Variants in LONP1 observed in about 807,000 individuals in gnomAD.
LONP1 encodes the protein lon protease homolog, mitochondrial.
Under a neutral mutation model 98.5 loss-of-function variants are expected in LONP1, and 31 were observed. The observed-to-expected ratio is 0.31, with a 90% CI of 0.24 to 0.42. The LOEUF is 0.42. Among genes scored for constraint, LONP1 ranks in the 20% least tolerant of loss-of-function variants. LONP1 has a pLI of 1.00. For synonymous variants in LONP1, 781 were observed against 594.7 expected (o/e 1.31, Z -4.56); for missense variants, 1,336 against 1,350.6 (o/e 0.99, Z 0.17).
intron 4 of LONP1, 135 bp from the exon 5 acceptor site, chr19:5,708,538 C>G: frequency 7.9e-6 from 3 of 379,348 alleles, no homozygotes; most frequent in Non-Finnish European, 1.5e-5. Flanking sequence ...GCCCTGGCCA[C>G]GGACGGCCTG....
At position 5,694,836 on chromosome 19, in the gene LONP1, C is replaced by A. The variant is rs142052215; in HGVS notation, c.2079G>T (p.Ser693=). 5.7e-4 allele frequency: 914 copies of A among 1,604,414 alleles called. 7 individuals are homozygous for A. The African/African-American group carries it at 0.011, about 19-fold the overall frequency. The change falls in exon 14 of 18, where the codon TCG becomes TCT. Residue 693 remains serine, a synonymous_variant. Transcript: ENST00000360614. ...GLDESKAKLS[S]DVLTLLIKQY... is the part of the protein sequence containing the mutation. ...GCTTGATGAGCAGCGTCAGCACGTCCGATGACAGCTTGGCCTTGCTCTCAT... is the reference window on the plus strand; with the variant it reads ...GCTTGATGAGCAGCGTCAGCACGTCAGATGACAGCTTGGCCTTGCTCTCAT...
At chr19:5,693,095 C>G (rs1050554066) in intron 17 of LONP1, among the ~76,000 whole-genome samples, 3 of 152,202 alleles carry the variant, frequency 2.0e-5, no homozygotes, top group Non-Finnish European at 4.4e-5. Flanking sequence ...AGTGGAGGCT[C>G]AGAATGTTCT....
chr19:5,696,881 G>A, intron 10 of LONP1, 124 bp from the exon 11 acceptor site: 1 of 651,170 alleles, frequency 1.5e-6, no homozygotes, highest in Non-Finnish European at 2.6e-6. Flanking sequence ...GCCATGATGT[G>A]GGAGGCGGAA....
At chr19:5,697,516 AGAAGAGGGAGGAGAGGGG>A (rs1321850937) in intron 10 of LONP1, among the ~76,000 whole-genome samples, 28 of 130,518 alleles carry the variant, frequency 2.1e-4, no homozygotes, top group East Asian at 7.4e-4. Context: ...AGGGGGGGAG[AGAAGAGGGAGGAGAGGGG>A]GAAGAGGGAG....
At chr19:5,713,078 G>A in intron 3 of LONP1, 56 bp downstream of exon 3, 1 of 1,610,742 alleles carries the variant, frequency 6.2e-7, no homozygotes. Flanking sequence ...CATCCTGGCT[G>A]GTCTCCCGCG....
rs2055392189 is a variant in LONP1 at position 5,719,583 on chromosome 19, C to T, written c.429+121G>A. On this transcript the variant is annotated intron_variant, in intron 1 of 17. Transcript: ENST00000360614. ...GAGCAGACAAGGATTCGAACTGCAC[C>T]CTTCGAGAAACTTCATGTCTGAAAA... is the stretch of plus-strand genomic sequence containing the variant. 3.3e-6 allele frequency: 5 copies of T among 1,535,038 alleles called. No individual in the cohort carries two copies. The South Asian group carries it at 6.1e-5, about 19-fold the overall frequency.
At chr19:5,708,233 A>C in intron 5 of LONP1, 109 bp downstream of exon 5, 1 of 1,137,180 alleles carries the variant, frequency 8.8e-7, no homozygotes, top group Admixed American at 2.0e-5. Context: ...TCCTTGGGGC[A>C]GGCAAGGTTT....
chr19:5,701,911 TG>T (rs1318053218), intron 8 of LONP1, among the ~76,000 whole-genome samples: 1 of 149,752 alleles, frequency 6.7e-6, no homozygotes, highest in Non-Finnish European at 1.5e-5. Flanking sequence ...CCGCCCTGTC[TG>T]GGATATGAGG....
At chr19:5,700,095 C>T (rs2055013478) in intron 9 of LONP1, among the ~76,000 whole-genome samples, 1 of 152,108 alleles carries the variant, frequency 6.6e-6, no homozygotes, top group Admixed American at 6.6e-5. Context: ...CGCAACATCA[C>T]ACCAGGCTAA....
At chr19:5,706,277 C>A (rs2055144229) in intron 7 of LONP1, among the ~76,000 whole-genome samples, 1 of 152,130 alleles carries the variant, frequency 6.6e-6, no homozygotes, top group Admixed American at 6.5e-5. Flanking sequence ...ACTGGGACCA[C>A]AGGCACCTGC....
Position 5,696,046 on chromosome 19 carries a change from G to A in LONP1, c.2013+8C>T, listed in dbSNP as rs1023853778. On this transcript the variant is annotated splice_region_variant and intron_variant, in intron 13 of 17. Transcript: ENST00000360614. ...AAGGGGACAGCAGTGGGGAGGGGCT[G>A]GGCTTACCTCCGCAATGGCCAGCTT... 4.3e-6 allele frequency: 7 copies of A among 1,609,604 alleles called. No homozygotes were observed. The highest frequency in any genetic ancestry group is 5.1e-6 in the Non-Finnish European group (6 of 1,178,444).
In LONP1 at chr19:5,692,061, G is replaced by T; in HGVS notation, c.2851C>A (p.Gln951Lys). Reference protein sequence around the residue: ...EIFDIAFPDEQAEALAVER With the variant: ...EIFDIAFPDEKAEALAVER ...CGTTCCACGGCCAGCGCCTCTGCCT[G>T]CTCGTCCGGGAAGGCGATGTCGAAG... Residue 951 changes from glutamine to lysine, a missense_variant, in exon 18 of 18, where the codon CAG (glutamine) becomes AAG (lysine). Physicochemically the swap from Gln to Lys is moderately conservative, Grantham distance 53. Transcript: ENST00000360614. 1 of 1,604,190 alleles carries T rather than the reference G, an allele frequency of 6.2e-7. No homozygotes were observed. The highest frequency in any genetic ancestry group is 8.5e-7 in the Non-Finnish European group (1 of 1,173,382).
intron 3 of LONP1, among the ~76,000 whole-genome samples, chr19:5,712,255 T>C (rs1223303841): frequency 6.6e-6 from 1 of 152,032 alleles, no homozygotes; most frequent in Non-Finnish European, 1.5e-5. Flanking sequence ...TGCATCACTG[T>C]CCCCATCCTA....
chr19:5,693,065 C>A (rs73920043), intron 17 of LONP1, among the ~76,000 whole-genome samples: 123 of 152,326 alleles, frequency 8.1e-4, no homozygotes, highest in African/African-American at 2.2e-3. Context: ...AGCCACCCCC[C>A]CAATCCTACT....
intron 4 of LONP1, among the ~76,000 whole-genome samples, chr19:5,710,390 T>C (rs565362306): frequency 9.4e-4 from 142 of 151,672 alleles, no homozygotes; most frequent in African/African-American, 3.4e-3. Flanking sequence ...GTGCCCGGCC[T>C]GAATTTTTTT....
intron 1 of LONP1, among the ~76,000 whole-genome samples, chr19:5,718,321 T>C (rs1009390147): frequency 6.6e-6 from 1 of 151,656 alleles, no homozygotes; most frequent in African/African-American, 2.4e-5. Context: ...CTTCTAAAAA[T>C]AGAAAAATTA....
At position 5,696,144 on chromosome 19, in the gene LONP1, G is replaced by C; in HGVS notation, c.1923C>G (p.Val641=). ...GCAGCGGCTCGGGGATGGTGTCCGTGACGTTGGCCGTGCAGATGAACAGCA... is the reference window on the plus strand; with the variant it reads ...GCAGCGGCTCGGGGATGGTGTCCGTCACGTTGGCCGTGCAGATGAACAGCA... ...SKVLFICTAN[V]TDTIPEPLRD... Residue 641 remains valine, a synonymous_variant, in exon 13 of 18, where the codon GTC becomes GTG. Transcript: ENST00000360614. 1.2e-6 allele frequency: 2 copies of C among 1,612,940 alleles called. No homozygotes were observed. Among genetic ancestry groups the C allele is most frequent in the Non-Finnish European group, 1.7e-6 (2 of 1,179,890 alleles).
intron 2 of LONP1, 89 bp downstream of exon 2, chr19:5,714,094 G>A (rs2055277377): frequency 1.3e-5 from 13 of 1,007,224 alleles, no homozygotes; most frequent in Non-Finnish European, 1.9e-5. Flanking sequence ...GGGGTCAGGG[G>A]TCAAAGGTGC....
intron 13 of LONP1, among the ~76,000 whole-genome samples, chr19:5,695,122 A>G (rs1200232903): frequency 6.6e-6 from 1 of 151,334 alleles, no homozygotes; most frequent in Non-Finnish European, 1.5e-5. Flanking sequence ...TCCACTTCCT[A>G]TCCCCCAATG....
Sources: gnomAD v4.1 joint callset for allele counts (sites outside exome capture counted in the v4.1 genomes callset) on GRCh38, gnomAD v4.1.1 for gene constraint, MANE v1.5 for transcripts, NCBI Gene and HGNC (gene_info 2026-07-23, HGNC 2026-07-21) for gene names.